The following BIRC6 variants were observed in gnomAD, a reference collection of about 807,000 sequenced individuals.
BIRC6 encodes baculoviral IAP repeat containing 6.
BIRC6 carries 98 observed loss-of-function variants against 503.3 expected under a neutral mutation model. That is an observed-to-expected ratio of 0.19 (90% CI 0.17 to 0.23). The LOEUF is 0.23. BIRC6 is among the 10% of genes least tolerant of loss of function. The pLI is 1.00. For missense variants in BIRC6, 5,360 were observed against 5,806.0 expected (o/e 0.92, Z 2.50); for synonymous variants, 2,240 against 2,078.7 (o/e 1.08, Z -2.11).
chr2:32,547,071 A>G (rs1206619808), intron 63 of BIRC6, among the ~76,000 whole-genome samples: 1 of 152,210 alleles, frequency 6.6e-6, no homozygotes, highest in African/African-American at 2.4e-5. Context: ...TCAATCCTTA[A>G]GTTTGATACA....
At chr2:32,436,010 AAATG>A (rs1396623944) in intron 14 of BIRC6, 39 bp from the exon 15 acceptor site, 2 of 1,191,022 alleles carry the variant, frequency 1.7e-6, no homozygotes, top group African/African-American at 1.6e-5. Context: ...ATTACATTTT[AAATG>A]AATGAATTTA....
At chr2:32,593,087 C>T (rs535046794) in intron 66 of BIRC6, among the ~76,000 whole-genome samples, 19 of 152,028 alleles carry the variant, frequency 1.2e-4, no homozygotes, top group South Asian at 4.1e-4. Context: ...TATTTATATA[C>T]GATTTTAGTT....
At chr2:32,401,077 AGAT>A in intron 6 of BIRC6, 83 bp from the exon 7 acceptor site, 1 of 1,157,654 alleles carries the variant, frequency 8.6e-7, no homozygotes, top group Non-Finnish European at 1.2e-6. Context: ...AGTTAAAAAA[AGAT>A]GATGATCCTG....
chr2:32,464,397 A>G, intron 24 of BIRC6, 112 bp from the exon 25 acceptor site: 1 of 1,252,658 alleles, frequency 8.0e-7, no homozygotes, highest in South Asian at 1.7e-5. Context: ...TTCATCTTTA[A>G]GTATGATCAA....
intron 3 of BIRC6, among the ~76,000 whole-genome samples, chr2:32,381,793 C>T (rs973809099): frequency 1.3e-5 from 2 of 152,118 alleles, no homozygotes; most frequent in Non-Finnish European, 2.9e-5. Flanking sequence ...ATTCACCCAT[C>T]TCGGCCTCCC....
At chr2:32,469,161 A>G (rs987207711) in intron 29 of BIRC6, among the ~76,000 whole-genome samples, 3 of 152,218 alleles carry the variant, frequency 2.0e-5, no homozygotes, top group African/African-American at 7.2e-5. Context: ...TGACACAGCC[A>G]TCTGACACAT....
intron 70 of BIRC6, chr2:32,602,784 C>G (rs2062153211): frequency 2.2e-6 from 1 of 449,604 alleles, no homozygotes. Context: ...ATAATAGGTG[C>G]TGGTCTGTTT....
chr2:32,467,724 G>C lies in BIRC6; in HGVS notation c.5556G>C (p.Val1852=). Reference sequence around the variant, plus strand: ...TTCATGACTTAATACCACCTCCCGTGTGCAGATTCATGAAGGTAAAGAACT... The same window carrying C: ...TTCATGACTTAATACCACCTCCCGTCTGCAGATTCATGAAGGTAAAGAACT... The part of the protein sequence containing the change: ...LILHDLIPPP[V]CRFMKITVIG... The change falls in exon 27 of 74, where the codon GTG becomes GTC. Residue 1852 remains valine (V), a synonymous_variant. Coordinates refer to ENST00000421745, the MANE Select transcript of BIRC6 (RefSeq NM_016252.4). 6.2e-7 allele frequency: 1 copy of C among 1,613,008 alleles called. No individual in the cohort carries two copies. The highest frequency in any genetic ancestry group is 1.1e-5 in the South Asian group (1 of 90,900).
chr2:32,401,125 A>G (rs1435907442), intron 6 of BIRC6, 38 bp from the exon 7 acceptor site: 1 of 1,561,332 alleles, frequency 6.4e-7, no homozygotes, highest in Non-Finnish European at 8.8e-7. Flanking sequence ...GAATTGCTTT[A>G]TTTTTAGTAA....
Position 32,415,845 on chromosome 2 carries a change from C to G in BIRC6, c.2554C>G (p.Pro852Ala). ...AATAAAAATACAACATATCAAAGAT[C>G]CCCAGGACACAATTACCTCGCTCAT... ...EPIKIQHIKD[P>A]QDTITSLILL... The change falls in exon 10 of 74, where the codon CCC becomes GCC. Residue 852 changes from proline (P) to alanine (A), a missense_variant. Physicochemically the swap from Pro to Ala is conservative, Grantham distance 27. Around this residue, in one of 16 missense-constraint regions of BIRC6, gnomAD observed 700 missense variants for 739.3 expected, o/e 0.95. Transcript: ENST00000421745. 1 of 1,613,806 alleles carries G rather than the reference C, an allele frequency of 6.2e-7. No individual in the cohort carries two copies. The highest frequency in any genetic ancestry group is 2.2e-5 in the East Asian group (1 of 44,878).
At chr2:32,378,084 C>T (rs1171521848) in intron 2 of BIRC6, among the ~76,000 whole-genome samples, 1 of 152,016 alleles carries the variant, frequency 6.6e-6, no homozygotes, top group Non-Finnish European at 1.5e-5. Flanking sequence ...AAGTGTATGG[C>T]CATCATTGCC....
intron 21 of BIRC6, among the ~76,000 whole-genome samples, 190 bp from the exon 22 acceptor site, chr2:32,448,605 A>C (rs2046344692): frequency 6.6e-6 from 1 of 151,594 alleles, no homozygotes; most frequent in African/African-American, 2.4e-5. Flanking sequence ...GCAGCAGTAC[A>C]GTCCAGCTTC....
At chr2:32,432,601 A>G (rs771319780) in intron 12 of BIRC6, among the ~76,000 whole-genome samples, 4 of 151,226 alleles carry the variant, frequency 2.6e-5, no homozygotes, top group Non-Finnish European at 4.4e-5. Context: ...TATAAATAAT[A>G]AAAAAAAATT....
rs527588761 is a variant in BIRC6, at chr2:32,464,452, G to C, written c.4942-57G>C. 1.7e-4 allele frequency: 249 copies of C among 1,473,480 alleles called. 1 individual carries two copies. In the East Asian group the frequency reaches 6.1e-3, roughly 36 times the overall value. 91.3% of individuals were successfully genotyped at this position (1,473,480 alleles called of 1,614,324 possible). A position where few individuals can be genotyped will look rare whatever the true frequency, so the allele number is the denominator to read the frequency against. On this transcript the variant is annotated intron_variant, in intron 24 of 73. Coordinates refer to ENST00000421745, the MANE Select transcript of BIRC6 (RefSeq NM_016252.4). ...ATAATATATGTCCATGTGGTATTCT[G>C]CCACAATTTAGGTAGGCAGGATTAG...
chr2:32,411,663 A>G (rs2041900424), intron 9 of BIRC6, among the ~76,000 whole-genome samples: 1 of 151,704 alleles, frequency 6.6e-6, no homozygotes, highest in South Asian at 2.1e-4. Flanking sequence ...TTTTTGGTAG[A>G]GACGGGGTTT....
intron 4 of BIRC6, among the ~76,000 whole-genome samples, chr2:32,391,062 T>G (rs772857173): frequency 1.1e-4 from 17 of 152,210 alleles, no homozygotes; most frequent in Non-Finnish European, 2.2e-4. Flanking sequence ...AACAAGTGCT[T>G]CTTGTCTGAG....
chr2:32,591,475 ATT>A (rs2061377050), intron 66 of BIRC6, among the ~76,000 whole-genome samples: 1 of 151,872 alleles, frequency 6.6e-6, no homozygotes, highest in Non-Finnish European at 1.5e-5. Context: ...AGAGCTTGAG[ATT>A]TAGAATCAGT....
At chr2:32,583,872 A>C (rs1054620222) in intron 66 of BIRC6, among the ~76,000 whole-genome samples, 3 of 152,156 alleles carry the variant, frequency 2.0e-5, no homozygotes, top group African/African-American at 7.2e-5. Context: ...CTGGAACTAC[A>C]GGCTCCCGCC....
intron 61 of BIRC6, among the ~76,000 whole-genome samples, chr2:32,538,360 A>G (rs1169187617): frequency 1.3e-5 from 2 of 152,220 alleles, no homozygotes; most frequent in Non-Finnish European, 2.9e-5. Flanking sequence ...TCTGTCACCG[A>G]GAGGATACAA....
Sources: gnomAD v4.1 joint callset for allele counts (sites outside exome capture counted in the v4.1 genomes callset) on GRCh38, gnomAD v4.1.1 for gene constraint, gnomAD v4.1.1 regional missense constraint, MANE v1.5 for transcripts, NCBI Gene and HGNC (gene_info 2026-07-23, HGNC 2026-07-21) for gene names.